The following UEVLD variants were observed in gnomAD, a reference collection of about 807,000 sequenced individuals.
UEVLD encodes the protein UEV and lactate/malate dehyrogenase domains.
In UEVLD, 47 loss-of-function variants were observed where a neutral mutation model predicts 58.6. That is an observed-to-expected ratio of 0.80 (90% CI 0.63 to 1.02). The LOEUF (loss-of-function observed/expected upper bound fraction) is 1.02. Ranked by LOEUF, UEVLD falls within the 50% of genes least tolerant of loss-of-function variation. The pLI is 0.00. For synonymous variants in UEVLD, 197 were observed against 195.3 expected, an observed-to-expected ratio of 1.01 and a Z score of -0.07; for missense variants, 510 against 550.6, an observed-to-expected ratio of 0.93 and a Z score of 0.74.
chr11:18,564,984 A>G lies in UEVLD; in HGVS notation c.520T>C (p.Trp174Arg). 6.2e-7 allele frequency: 1 copy of G among 1,613,428 alleles called. No homozygotes were observed. The highest frequency in any genetic ancestry group is 8.5e-7 in the Non-Finnish European group (1 of 1,179,636). Reference protein sequence around the residue: ...EGVSDTNSKSWANHENKTVNK... With the variant: ...EGVSDTNSKSRANHENKTVNK... ...ACTGTTTTATTCTCATGATTTGCCC[A>G]GCTCTTTGAATTTGTATCTGAAACA... is the stretch of plus-strand genomic sequence containing the variant. The change falls in exon 6 of 12, where the codon TGG (tryptophan) becomes CGG (arginine). Residue 174 changes from tryptophan (W) to arginine (R), a missense_variant. Coordinates refer to ENST00000396197, the MANE Select transcript of UEVLD (RefSeq NM_001040697.4).
At chr11:18,554,338 C>A (rs1018877579) in intron 7 of UEVLD, among the ~76,000 whole-genome samples, 1 of 151,688 alleles carries the variant, frequency 6.6e-6, no homozygotes, top group Non-Finnish European at 1.5e-5. Flanking sequence ...GTGATCCTCC[C>A]GCCTCGGCCT....
intron 9 of UEVLD, among the ~76,000 whole-genome samples, chr11:18,541,545 A>G (rs2271080): frequency 0.16 from 24,432 of 152,182 alleles, 2,576 homozygotes; most frequent in East Asian, 0.41. Flanking sequence ...AAATAACTTA[A>G]TAATTTGCAC....
At position 18,538,557 on chromosome 11, in the gene UEVLD, C is replaced by T. The variant is rs976958278; in HGVS notation, c.1061-2088G>A. On this transcript the variant is annotated intron_variant, in intron 9 of 11. Transcript: ENST00000396197. ...CAAACTCCTGACCTCAAGTGATCCA[C>T]CCGCCTTGGCCTCCCAAAGTGCTGG... Among the ~76,000 whole-genome samples the T allele has an allele frequency of 4.0e-5, 6 of 151,606 alleles. No homozygotes were observed. The South Asian group carries it at 6.3e-4, about 16-fold the overall frequency.
Position 18,558,271 on chromosome 11 carries a change from C to T in UEVLD, c.672G>A (p.Met224Ile), listed in dbSNP as rs746495573. 8.1e-5 allele frequency: 130 copies of T among 1,613,166 alleles called. 3 individuals carry two copies. The East Asian group carries it at 2.9e-3, about 36-fold the overall frequency. The change falls in exon 7 of 12, where the codon ATG becomes ATA. Residue 224 changes from methionine to isoleucine, a missense_variant. By Grantham distance (10) the Met-to-Ile change is conservative. Transcript: ENST00000396197. ...DLSEGTKGATMDLEIFNLPNV... is the reference protein window; with the variant it reads ...DLSEGTKGATIDLEIFNLPNV... The stretch of plus-strand genomic sequence containing the variant: ...TAGGAAGGTTGAAGATTTCAAGGTC[C>T]ATCGTGGCTCCTTTAGTCCCTTCTG...
intron 7 of UEVLD, among the ~76,000 whole-genome samples, chr11:18,550,797 C>T (rs540630794): frequency 6.6e-6 from 1 of 152,330 alleles, no homozygotes; most frequent in South Asian, 2.1e-4. Flanking sequence ...CTATCAATCT[C>T]TTGCAGCAGT....
At chr11:18,547,204 C>T (rs1375016588) in intron 7 of UEVLD, among the ~76,000 whole-genome samples, 154 bp from the exon 8 acceptor site, 4 of 152,172 alleles carry the variant, frequency 2.6e-5, no homozygotes, top group African/African-American at 4.8e-5. Flanking sequence ...ATATAAAATG[C>T]GGAGGTTTGC....
At chr11:18,573,648 T>C (rs891058919) in intron 3 of UEVLD, among the ~76,000 whole-genome samples, 1 of 152,144 alleles carries the variant, frequency 6.6e-6, no homozygotes, top group Non-Finnish European at 1.5e-5. Flanking sequence ...AAAAACAAAA[T>C]GAATTCCTAC....
chr11:18,564,502 A>G (rs1050934912), intron 6 of UEVLD, among the ~76,000 whole-genome samples: 3 of 152,150 alleles, frequency 2.0e-5, no homozygotes, highest in Non-Finnish European at 4.4e-5. Flanking sequence ...TGATCCTAAA[A>G]GAAAGTAATT....
chr11:18,533,155 A>G (rs1409965870), intron 11 of UEVLD, among the ~76,000 whole-genome samples: 1 of 151,578 alleles, frequency 6.6e-6, no homozygotes, highest in Non-Finnish European at 1.5e-5. Context: ...GGCCTCCCAA[A>G]GTGCTGGGAT....
At position 18,564,898 on chromosome 11, in the gene UEVLD, T is replaced by C. The variant is rs1396511220; in HGVS notation, c.606A>G (p.Ser202=). The part of the protein sequence containing the change: ...ELGIACTLAI[S]AKGIADRLVL... ...AACCACTATGTTTACATACCTTTGC[T>C]GAAATTGCTAATGTGCAGGCAATAC... The change falls in exon 6 of 12, where the codon TCA becomes TCG. Residue 202 remains serine (S), a synonymous_variant. Transcript: ENST00000396197. The C allele has an allele frequency of 6.2e-7, 1 of 1,609,154 alleles. No homozygotes were observed.
At chr11:18,587,556 A>G (rs1470505200) in intron 1 of UEVLD, 2 of 152,218 alleles carry the variant, frequency 1.3e-5, no homozygotes, top group East Asian at 3.8e-4. Flanking sequence ...TAATTCCACC[A>G]CTTTGGGAGG....
intron 6 of UEVLD, 21 bp from the exon 7 acceptor site, chr11:18,558,351 C>T: frequency 1.3e-6 from 2 of 1,515,660 alleles, no homozygotes; most frequent in Non-Finnish European, 1.8e-6. Flanking sequence ...AGAGAAAGAA[C>T]ATTACACTGA....
intron 7 of UEVLD, among the ~76,000 whole-genome samples, chr11:18,549,760 C>A (rs1469934355): frequency 6.6e-6 from 1 of 151,906 alleles, no homozygotes; most frequent in East Asian, 1.9e-4. Flanking sequence ...TTCCTACTCC[C>A]AAAGATTTTC....
At chr11:18,544,443 G>T (rs1451374545) in intron 9 of UEVLD, among the ~76,000 whole-genome samples, 180 bp downstream of exon 9, 3 of 152,086 alleles carry the variant, frequency 2.0e-5, no homozygotes, top group African/African-American at 7.2e-5. Flanking sequence ...GAGTAACTGG[G>T]ACTACAGGCA....
chr11:18,588,519 C>A, intron 1 of UEVLD, 94 bp downstream of exon 1: 1 of 1,476,424 alleles, frequency 6.8e-7, no homozygotes, highest in Non-Finnish European at 9.2e-7. Context: ...CCACTACAAG[C>A]CGGGAAACGC....
chr11:18,575,372 A>G lies in UEVLD; in HGVS notation c.168T>C (p.Thr56=). ...DSSQKDLLNF[T]GTIPVMYQGN... is the part of the protein sequence containing the mutation. ...CCTGATACATCACAGGAATTGTGCCAGTAAAATTCAGCAGGTCTTTCTGAG... is the reference window on the plus strand; with the variant it reads ...CCTGATACATCACAGGAATTGTGCCGGTAAAATTCAGCAGGTCTTTCTGAG... Residue 56 remains threonine (T), a synonymous_variant, in exon 3 of 12, where the codon ACT becomes ACC. Coordinates refer to ENST00000396197, the MANE Select transcript of UEVLD (RefSeq NM_001040697.4). 1 of 1,609,338 alleles carries G rather than the reference A, an allele frequency of 6.2e-7. No individual in the cohort carries two copies. The highest frequency in any genetic ancestry group is 2.2e-5 in the East Asian group (1 of 44,816).
At chr11:18,537,440 C>T (rs896497316) in intron 9 of UEVLD, among the ~76,000 whole-genome samples, 1 of 150,892 alleles carries the variant, frequency 6.6e-6, no homozygotes, top group Admixed American at 6.6e-5. Flanking sequence ...AAACAATTCT[C>T]CTGCCTCAGC....
chr11:18,578,125 T>TA (rs1413295661), intron 2 of UEVLD, among the ~76,000 whole-genome samples: 17 of 152,040 alleles, frequency 1.1e-4, no homozygotes, highest in Non-Finnish European at 1.9e-4. Context: ...TGGCTAGCCT[T>TA]AAAAAAATTA....
chr11:18,575,542 T>G (rs540508231), intron 2 of UEVLD, 130 bp from the exon 3 acceptor site: 1 of 833,622 alleles, frequency 1.2e-6, no homozygotes, highest in African/African-American at 1.7e-5. Context: ...TCTCTAAACA[T>G]AATCTAGGAA....
Sources: gnomAD v4.1 joint callset for allele counts (sites outside exome capture counted in the v4.1 genomes callset) on GRCh38, gnomAD v4.1.1 for gene constraint, MANE v1.5 for transcripts, NCBI Gene and HGNC (gene_info 2026-07-23, HGNC 2026-07-21) for gene names.